Variants in GRIA4 observed in about 807,000 individuals in gnomAD.
GRIA4 encodes the protein glutamate receptor 4.
A neutral mutation model predicts 104.0 loss-of-function variants in GRIA4; 34 were observed. That is an observed-to-expected ratio of 0.33 (90% confidence interval 0.25 to 0.44). The LOEUF (loss-of-function observed/expected upper bound fraction) is 0.44. Ranked by LOEUF, GRIA4 falls within the 20% of genes least tolerant of loss-of-function variation. The pLI, the probability that GRIA4 is intolerant of heterozygous loss-of-function variation, is 1.00. For missense variants in GRIA4, 750 were observed against 1,096.5 expected, an observed-to-expected ratio of 0.68 and a Z score of 4.46; for synonymous variants, 386 against 381.9, an observed-to-expected ratio of 1.01 and a Z score of -0.13.
intron 4 of GRIA4, among the ~76,000 whole-genome samples, chr11:105,776,970 C>T (rs192300428): frequency 2.1e-3 from 326 of 152,250 alleles, no homozygotes; most frequent in African/African-American, 7.6e-3. Flanking sequence ...TTCCCTTGGC[C>T]CTGCATGCAC....
chr11:105,925,721 A>C (rs1028836961), intron 12 of GRIA4, among the ~76,000 whole-genome samples: 1 of 152,154 alleles, frequency 6.6e-6, no homozygotes, highest in Non-Finnish European at 1.5e-5. Flanking sequence ...AATGGCTTTT[A>C]AAAGCCAGGA....
chr11:105,767,869 A>C (rs887193478), intron 4 of GRIA4, among the ~76,000 whole-genome samples: 9 of 152,120 alleles, frequency 5.9e-5, no homozygotes, highest in African/African-American at 2.2e-4. Flanking sequence ...TGGATTAAAA[A>C]TCTGTGCCCT....
intron 4 of GRIA4, among the ~76,000 whole-genome samples, chr11:105,778,929 T>TC (rs1327167043): frequency 1.4e-5 from 1 of 70,476 alleles, no homozygotes; most frequent in Non-Finnish European, 2.6e-5. Context: ...ATACTATCCC[T>TC]CCCCCCTCCC....
At chr11:105,628,037 A>G (rs767351886) in intron 3 of GRIA4, among the ~76,000 whole-genome samples, 22 of 152,170 alleles carry the variant, frequency 1.4e-4, no homozygotes, top group Non-Finnish European at 3.1e-4. Context: ...CAATTGCAAG[A>G]TTAAAATAAT....
At chr11:105,747,370 T>A (rs544545504) in intron 3 of GRIA4, among the ~76,000 whole-genome samples, 2 of 152,164 alleles carry the variant, frequency 1.3e-5, no homozygotes, top group South Asian at 4.2e-4. Flanking sequence ...CAAAATAGTA[T>A]CAAATTACCA....
intron 4 of GRIA4, among the ~76,000 whole-genome samples, chr11:105,763,800 T>C (rs1940792755): frequency 1.3e-5 from 2 of 152,342 alleles, no homozygotes; most frequent in South Asian, 4.1e-4. Context: ...ACCTTTTGTG[T>C]GCTTTCCAGA....
intron 4 of GRIA4, among the ~76,000 whole-genome samples, chr11:105,811,490 G>A (rs1307375990): frequency 6.6e-6 from 1 of 152,046 alleles, no homozygotes; most frequent in African/African-American, 2.4e-5. Flanking sequence ...AGTGAACGAA[G>A]GGGTGACTGG....
chr11:105,743,012 C>T (rs1243165856), intron 3 of GRIA4, among the ~76,000 whole-genome samples: 1 of 152,164 alleles, frequency 6.6e-6, no homozygotes, highest in Non-Finnish European at 1.5e-5. Flanking sequence ...TCTGGGATTA[C>T]CGGCATGAGC....
At chr11:105,963,370 C>G (rs1330401645) in intron 14 of GRIA4, among the ~76,000 whole-genome samples, 1 of 152,010 alleles carries the variant, frequency 6.6e-6, no homozygotes. Flanking sequence ...CCCTTTAGAC[C>G]TAAACTTATT....
intron 3 of GRIA4, among the ~76,000 whole-genome samples, chr11:105,734,260 G>A (rs1346543594): frequency 6.6e-6 from 1 of 151,716 alleles, no homozygotes; most frequent in African/African-American, 2.4e-5. Flanking sequence ...ACAGCATTCA[G>A]CCAGTTGCTT....
intron 4 of GRIA4, among the ~76,000 whole-genome samples, chr11:105,792,009 CACTT>C (rs1942234354): frequency 6.6e-6 from 1 of 152,054 alleles, no homozygotes; most frequent in African/African-American, 2.4e-5. Flanking sequence ...GCAGCAATAT[CACTT>C]ACCCTTAGGT....
chr11:105,815,183 G>A (rs143894849), intron 4 of GRIA4, among the ~76,000 whole-genome samples: 44 of 152,228 alleles, frequency 2.9e-4, no homozygotes, highest in African/African-American at 1.0e-3. Flanking sequence ...CTTCCTACCT[G>A]ACATCTCCAG....
At chr11:105,732,937 A>G (rs1426338306) in intron 3 of GRIA4, among the ~76,000 whole-genome samples, 2 of 152,194 alleles carry the variant, frequency 1.3e-5, no homozygotes, top group African/African-American at 4.8e-5. Context: ...TTTGCAGTTT[A>G]TACATTCCTT....
At chr11:105,854,721 A>C (rs939184355) in intron 4 of GRIA4, among the ~76,000 whole-genome samples, 3 of 152,096 alleles carry the variant, frequency 2.0e-5, no homozygotes, top group Middle Eastern at 3.2e-3. Context: ...TGATTGTGAG[A>C]GAAAGAATGG....
chr11:105,975,301 C>A (rs1302352870), intron 16 of GRIA4, among the ~76,000 whole-genome samples: 1 of 151,994 alleles, frequency 6.6e-6, no homozygotes, highest in African/African-American at 2.4e-5. Flanking sequence ...ATATTTGTGT[C>A]CTATAGGAAA....
intron 4 of GRIA4, among the ~76,000 whole-genome samples, chr11:105,857,010 C>T (rs781717764): frequency 4.1e-4 from 63 of 152,058 alleles, no homozygotes; most frequent in Non-Finnish European, 7.8e-4. Flanking sequence ...TTTTAGTATG[C>T]CCTTTTTGAA....
At position 105,703,489 on chromosome 11, in the gene GRIA4, T is replaced by C. The variant is rs569231512; in HGVS notation, c.248-49492T>C. ...AACTAAAAACCAATAAAGAAAAGTG[T>C]TCATGAAATCACATTAGGTGAAGTA... On this transcript the variant is annotated intron_variant, in intron 3 of 16. Coordinates refer to ENST00000282499, the MANE Select transcript of GRIA4 (RefSeq NM_000829.4). 9.0e-4 allele frequency among the ~76,000 whole-genome samples: 137 copies of C among 152,254 alleles called. 2 individuals carry two copies. The highest frequency in any genetic ancestry group is 6.6e-4 in the Non-Finnish European group (45 of 67,988).
intron 13 of GRIA4, among the ~76,000 whole-genome samples, chr11:105,928,757 T>C (rs1947791461): frequency 6.6e-6 from 1 of 152,038 alleles, no homozygotes; most frequent in South Asian, 2.1e-4. Context: ...GTGAAAATAT[T>C]TCAAAAGTAA....
At chr11:105,684,028 C>A (rs933200344) in intron 3 of GRIA4, among the ~76,000 whole-genome samples, 17 of 152,138 alleles carry the variant, frequency 1.1e-4, no homozygotes, top group Non-Finnish European at 2.2e-4. Flanking sequence ...GCATGCACCA[C>A]CACACCAGGC....
Sources: gnomAD v4.1 joint callset for allele counts (sites outside exome capture counted in the v4.1 genomes callset) on GRCh38, gnomAD v4.1.1 for gene constraint, MANE v1.5 for transcripts, NCBI Gene and HGNC (gene_info 2026-07-23, HGNC 2026-07-21) for gene names.